The following LRP10 variants were observed in gnomAD, a reference collection of about 807,000 sequenced individuals.
The protein encoded by LRP10 is low-density lipoprotein receptor-related protein 10.
A neutral mutation model predicts 58.5 loss-of-function variants in LRP10; 42 were observed. That is an observed-to-expected ratio of 0.72 (90% CI 0.56 to 0.93). LRP10 has a LOEUF of 0.93. Ranked by LOEUF, LRP10 falls within the 40% of genes least tolerant of loss-of-function variation. The pLI, the probability that LRP10 is intolerant of heterozygous loss-of-function variation, is 0.00. For missense variants in LRP10, 872 were observed against 940.1 expected, an observed-to-expected ratio of 0.93 and a Z score of 0.95; for synonymous variants, 377 against 388.5, an observed-to-expected ratio of 0.97 and a Z score of 0.35.
rs202016767 is a variant in LRP10 at position 22,875,340 on chromosome 14, A to G, written c.407-15A>G. 126 of 1,604,872 alleles carry G rather than the reference A, an allele frequency of 7.9e-5. No individual in the cohort carries two copies. Among genetic ancestry groups the G allele is most frequent in the Non-Finnish European group, 1.1e-4 (124 of 1,173,652 alleles). ...TTCTGGTGCTTCACAGCCCCTCTCC[A>G]TGGTGCCTCTGCAGATTGGCTGATG... On this transcript the variant is annotated splice_polypyrimidine_tract_variant and intron_variant, in intron 4 of 6. Transcript: ENST00000359591.
chr14:22,876,620 C>A, intron 5 of LRP10, 69 bp from the exon 6 acceptor site: 1 of 1,567,504 alleles, frequency 6.4e-7, no homozygotes, highest in Non-Finnish European at 8.7e-7. Flanking sequence ...AGTGGGAGGA[C>A]TGTCCAGGCT....
Position 22,875,163 on chromosome 14 carries a change from C to CG in LRP10, c.329dup (p.Asn111GlnfsTer50). On this transcript the variant is annotated frameshift_variant, in exon 4 of 7. Transcript: ENST00000359591. LOFTEE classifies it high-confidence loss of function. ...CACCTCCCAGCCCTCTGCAGCTGCC[C>CG]GGGGGCAACGTCACCATCACTTACA... 1 of 1,613,664 alleles carries CG rather than the reference C, an allele frequency of 6.2e-7. No homozygotes were observed. Among genetic ancestry groups the CG allele is most frequent in the East Asian group, 2.2e-5 (1 of 44,874 alleles).
Position 22,877,062 on chromosome 14 carries a change from T to A in LRP10, c.1677T>A (p.Arg559=), listed in dbSNP as rs2040015444. The part of the protein sequence containing the change: ...RGRLMRRLVR[R]LRRWGLLPRT... ...GCTTGATGCGACGCCTGGTACGCCG[T>A]CTCCGCCGCTGGGGCTTGCTCCCTC... Residue 559 remains arginine (R), a synonymous_variant, in exon 7 of 7, where the codon CGT becomes CGA. Coordinates refer to ENST00000359591, the MANE Select transcript of LRP10 (RefSeq NM_014045.5). The surrounding 1 kb of genome is among the most constrained non-coding windows in gnomAD (Gnocchi z 5.1). 1 of 1,613,752 alleles carries A rather than the reference T, an allele frequency of 6.2e-7. No homozygotes were observed. Among genetic ancestry groups the A allele is most frequent in the Admixed American group, 1.7e-5 (1 of 59,992 alleles).
chr14:22,872,632 G>A, intron 1 of LRP10, 106 bp from the exon 2 acceptor site: 3 of 1,146,716 alleles, frequency 2.6e-6, no homozygotes, highest in South Asian at 1.3e-5. Flanking sequence ...TCCCTCTTCC[G>A]ATTAACTGCC....
chr14:22,875,983 T>G lies in LRP10; in HGVS notation c.1035T>G (p.Ala345=). ...GCTGTGACGGCTCATGGGACTGTGC[T>G]GACGGCACAGATGAGGAGGACTGCC... ...AQRCDGSWDC[A]DGTDEEDCPG... Residue 345 remains alanine (A), a synonymous_variant, in exon 5 of 7, where the codon GCT becomes GCG. Coordinates refer to ENST00000359591, the MANE Select transcript of LRP10 (RefSeq NM_014045.5). 6.2e-7 allele frequency: 1 copy of G among 1,613,480 alleles called. No individual in the cohort carries two copies. Among genetic ancestry groups the G allele is most frequent in the Non-Finnish European group, 8.5e-7 (1 of 1,180,024 alleles).
In LRP10 at chr14:22,880,531, G is replaced by A. The variant is rs2040051640; in HGVS notation, c.*3004G>A. 1 of 151,562 alleles carries A rather than the reference G, an allele frequency of 6.6e-6. No individual in the cohort carries two copies. The highest frequency in any genetic ancestry group is 6.6e-5 in the Admixed American group (1 of 15,220). The allele number at this position is 151,562 out of a possible 1,614,324, so 9.4% of individuals were successfully genotyped here. ...TCAAGAACAGCCTGGGCAACATGAT[G>A]AAACCCTGTCTCTACCAAAAATACT... On this transcript the variant is annotated 3_prime_UTR_variant, in exon 7 of 7. Transcript: ENST00000359591.
At position 22,873,389 on chromosome 14, in the gene LRP10, C is replaced by T. The variant is rs1202457822; in HGVS notation, c.158C>T (p.Ser53Phe). The change falls in exon 3 of 7, where the codon TCC becomes TTC. Residue 53 changes from serine (S) to phenylalanine (F), a missense_variant. By Grantham distance (155) the Ser-to-Phe change is radical. Transcript: ENST00000359591. ...QRPLVRDSRT[S>F]PANCTWLILG... ...CCCCTGGTCCGGGACAGCCGCACCT[C>T]CCCTGCCAACTGCACCTGGCTCATC... is the stretch of plus-strand genomic sequence containing the variant. The T allele has an allele frequency of 1.9e-6, 3 of 1,614,196 alleles. No individual in the cohort carries two copies. The highest frequency in any genetic ancestry group is 2.5e-6 in the Non-Finnish European group (3 of 1,180,028).
At chr14:22,876,500 C>T (rs1300496400) in intron 5 of LRP10, 128 bp downstream of exon 5, 9 of 1,352,944 alleles carry the variant, frequency 6.7e-6, no homozygotes, top group Non-Finnish European at 9.2e-6. Context: ...TCAGTTGTGT[C>T]CTGTAAGGGA....
rs963258804 is a variant in LRP10 at position 22,877,108 on chromosome 14, GC to G, written c.1725del (p.Ser576LeufsTer17). The G allele has an allele frequency of 2.5e-6, 4 of 1,613,282 alleles. No individual in the cohort carries two copies. The highest frequency in any genetic ancestry group is 3.4e-6 in the Non-Finnish European group (4 of 1,179,696). The stretch of plus-strand genomic sequence containing the variant: ...CCCTCGAACCAACACCCCGGCTCGG[GC>G]CTCTGAGGCCAGATCCCAGGTCACA... ...LLPRTNTPAR[A>X]SEARSQVTPS... On this transcript the variant is annotated frameshift_variant, in exon 7 of 7. Coordinates refer to ENST00000359591, the MANE Select transcript of LRP10 (RefSeq NM_014045.5). LOFTEE classifies it high-confidence loss of function. This position sits in a 1 kb window ranked among gnomAD's most constrained non-coding sequence, Gnocchi z 5.1.
In LRP10 at chr14:22,876,241, G is replaced by C; in HGVS notation, c.1293G>C (p.Trp431Cys). 1 of 1,614,164 alleles carries C rather than the reference G, an allele frequency of 6.2e-7. No individual in the cohort carries two copies. Among genetic ancestry groups the C allele is most frequent in the Non-Finnish European group, 8.5e-7 (1 of 1,180,038 alleles). Residue 431 changes from tryptophan (W) to cysteine (C), a missense_variant, in exon 5 of 7, where the codon TGG becomes TGC. By Grantham distance (215) the Trp-to-Cys change is radical. Transcript: ENST00000359591. ...ACTGTGCGGACGGCAGTGATGAGTG[G>C]GACTGCTCCTATGTTCTGCCCCGCA... The part of the protein sequence containing the change: ...QPDCADGSDE[W>C]DCSYVLPRKV...
rs765344470 is a variant in LRP10 at position 22,875,858 on chromosome 14, G to T, written c.910G>T (p.Val304Leu). The T allele has an allele frequency of 2.5e-6, 4 of 1,613,834 alleles. No individual in the cohort carries two copies. Among genetic ancestry groups the T allele is most frequent in the Non-Finnish European group, 3.4e-6 (4 of 1,179,910 alleles). The change falls in exon 5 of 7, where the codon GTG (valine) becomes TTG (leucine). Residue 304 changes from valine (V) to leucine (L), a missense_variant. Physicochemically the swap from Val to Leu is conservative, Grantham distance 32. Transcript: ENST00000359591. ...TCGTGGCTTCAATGCCACCTACCAT[G>T]TGCGGGGCTATTGCTTGCCTTGGGA... is the stretch of plus-strand genomic sequence containing the variant. The part of the protein sequence containing the change: ...NGRGFNATYH[V>L]RGYCLPWDRP...
chr14:22,873,319 G>A lies in LRP10; in HGVS notation c.88G>A (p.Asp30Asn), dbSNP rs763999640. 6.2e-6 allele frequency: 10 copies of A among 1,611,716 alleles called. No individual in the cohort carries two copies. The highest frequency in any genetic ancestry group is 6.8e-6 in the Non-Finnish European group (8 of 1,178,404). ...RIIFPNHACEDPPAVLLEVQG... is the reference protein window; with the variant it reads ...RIIFPNHACENPPAVLLEVQG... The stretch of plus-strand genomic sequence containing the variant: ...TACCTTCCTCTCTCCAGCTTGTGAG[G>A]ACCCCCCAGCAGTGCTCTTAGAAGT... The change falls in exon 3 of 7, where the codon GAC (aspartate) becomes AAC (asparagine). Residue 30 changes from aspartate (D) to asparagine (N), a missense_variant. By Grantham distance (23) the Asp-to-Asn change is conservative. Transcript: ENST00000359591.
chr14:22,881,067 C>T lies in LRP10; in HGVS notation c.*3540C>T, dbSNP rs2040056654. 6.6e-6 allele frequency: 1 copy of T among 152,180 alleles called. No individual in the cohort carries two copies. The highest frequency in any genetic ancestry group is 2.1e-4 in the South Asian group (1 of 4,822). 9.4% of individuals were successfully genotyped at this position (152,180 alleles called of 1,614,324 possible). ...CTTCATCACCTGAAGTGAACCCACA[C>T]AACAGGGCTGGGCCATGGGCATCAT... is the stretch of plus-strand genomic sequence containing the variant. On this transcript the variant is annotated 3_prime_UTR_variant, in exon 7 of 7. Coordinates refer to ENST00000359591, the MANE Select transcript of LRP10 (RefSeq NM_014045.5).
chr14:22,876,769 A>C lies in LRP10; in HGVS notation c.1505A>C (p.Gln502Pro). ...APPSYGQLIAQGAIPPVEDFP... is the reference protein window; with the variant it reads ...APPSYGQLIAPGAIPPVEDFP... ...CCTTCCTACGGGCAGCTCATTGCCC[A>C]GGGTGCCATCCCACCTGTAGAAGAC... is the stretch of plus-strand genomic sequence containing the variant. The change falls in exon 6 of 7, where the codon CAG (glutamine) becomes CCG (proline). Residue 502 changes from glutamine (Q) to proline (P), a missense_variant. By Grantham distance (76) the Gln-to-Pro change is moderately conservative (BLOSUM62 -1). Coordinates refer to ENST00000359591, the MANE Select transcript of LRP10 (RefSeq NM_014045.5). 9 of 1,613,736 alleles carry C rather than the reference A, an allele frequency of 5.6e-6. No individual in the cohort carries two copies. Among genetic ancestry groups the C allele is most frequent in the Non-Finnish European group, 7.6e-6 (9 of 1,179,838 alleles).
intron 3 of LRP10, among the ~76,000 whole-genome samples, chr14:22,874,635 C>G (rs1225009368): frequency 1.1e-4 from 16 of 152,220 alleles, no homozygotes; most frequent in Admixed American, 1.0e-3. Context: ...CGCCAGTAAT[C>G]CCAGCACTTT....
chr14:22,873,389 C>G lies in LRP10; in HGVS notation c.158C>G (p.Ser53Cys), dbSNP rs1202457822. 2 of 1,614,196 alleles carry G rather than the reference C, an allele frequency of 1.2e-6. No homozygotes were observed. Among genetic ancestry groups the G allele is most frequent in the South Asian group, 2.2e-5 (2 of 91,082 alleles). ...QRPLVRDSRT[S>C]PANCTWLILG... is the part of the protein sequence containing the mutation. ...CCCCTGGTCCGGGACAGCCGCACCT[C>G]CCCTGCCAACTGCACCTGGCTCATC... The change falls in exon 3 of 7, where the codon TCC (serine) becomes TGC (cysteine). Residue 53 changes from serine (S) to cysteine (C), a missense_variant. Coordinates refer to ENST00000359591, the MANE Select transcript of LRP10 (RefSeq NM_014045.5).
At chr14:22,874,739 T>C (rs2039985045) in intron 3 of LRP10, among the ~76,000 whole-genome samples, 1 of 151,966 alleles carries the variant, frequency 6.6e-6, no homozygotes, top group African/African-American at 2.4e-5. Context: ...AATACAAAAT[T>C]AGCCAGGTGT....
chr14:22,872,700 G>A (rs1303259415), intron 1 of LRP10, 38 bp from the exon 2 acceptor site: 1 of 1,608,254 alleles, frequency 6.2e-7, no homozygotes, highest in Non-Finnish European at 8.5e-7. Context: ...CTCCTAAGGA[G>A]TGTCTCACGC....
In LRP10 at chr14:22,877,682, C is replaced by G; in HGVS notation, c.*155C>G. ...GCCTCCCGTTGACCCTATGTAGCTG[C>G]TATAAAGTTAAGTGTCCCTCAGGCA... On this transcript the variant is annotated 3_prime_UTR_variant, in exon 7 of 7. Transcript: ENST00000359591. The surrounding 1 kb of genome is among the most constrained non-coding windows in gnomAD (Gnocchi z 5.1). The G allele has an allele frequency of 1.7e-6, 1 of 583,882 alleles. No homozygotes were observed. Among genetic ancestry groups the G allele is most frequent in the South Asian group, 2.4e-5 (1 of 41,118 alleles). The allele number at this position is 583,882 out of a possible 1,614,324, so 36.2% of individuals were successfully genotyped here.
Sources: gnomAD v4.1 joint callset for allele counts (sites outside exome capture counted in the v4.1 genomes callset) on GRCh38, gnomAD v4.1.1 for gene constraint, Gnocchi (gnomAD v3.1) non-coding constraint, MANE v1.5 for transcripts, NCBI Gene and HGNC (gene_info 2026-07-23, HGNC 2026-07-21) for gene names.